Variants in ANKRD30B observed in about 807,000 individuals in gnomAD.
ANKRD30B encodes the protein ankyrin repeat domain-containing protein 30B.
Under a neutral mutation model 202.2 loss-of-function variants are expected in ANKRD30B, and 144 were observed. The ratio of observed to expected loss-of-function variants is 0.71; its 90% CI spans 0.62 to 0.82. The LOEUF (loss-of-function observed/expected upper bound fraction) is 0.82. Among genes scored for constraint, ANKRD30B ranks in the 40% least tolerant of loss-of-function variants. The pLI, the probability that ANKRD30B is intolerant of heterozygous loss-of-function variation, is 0.00. For missense variants in ANKRD30B, 1,487 were observed against 1,669.1 expected, an observed-to-expected ratio of 0.89 and a Z score of 1.90; for synonymous variants, 508 against 561.3, an observed-to-expected ratio of 0.91 and a Z score of 1.34.
At chr18:14,805,229 T>G (rs1015674414) in intron 24 of ANKRD30B, among the ~76,000 whole-genome samples, 5 of 151,018 alleles carry the variant, frequency 3.3e-5, no homozygotes, top group African/African-American at 1.2e-4. Flanking sequence ...ACCAGACTAA[T>G]TTTAAAAACC....
chr18:14,847,667 A>C (rs905204821), intron 39 of ANKRD30B, among the ~76,000 whole-genome samples: 9 of 151,214 alleles, frequency 6.0e-5, no homozygotes, highest in Non-Finnish European at 8.8e-5. Flanking sequence ...AATAGAGTTG[A>C]GTTACTTATA....
At chr18:14,934,840 T>C in the ANKRD30B span, among the ~76,000 whole-genome samples, 1 of 151,836 alleles carries the variant, frequency 6.6e-6, no homozygotes, top group African/African-American at 2.4e-5. Flanking sequence ...AGTGCAGGCA[T>C]GCGGCTGCAG....
chr18:14,867,499 G>A, the ANKRD30B span, among the ~76,000 whole-genome samples: 3 of 152,024 alleles, frequency 2.0e-5, no homozygotes, highest in South Asian at 2.1e-4. Context: ...GAGTTTTCAC[G>A]GCAATCCTCT....
chr18:14,934,952 CA>C, the ANKRD30B span, among the ~76,000 whole-genome samples: 1 of 146,362 alleles, frequency 6.8e-6, no homozygotes, highest in Non-Finnish European at 1.5e-5. Context: ...ACACACACCC[CA>C]TCGTGTCTGC....
the ANKRD30B span, among the ~76,000 whole-genome samples, chr18:14,889,674 AATACTG>A: frequency 6.7e-6 from 1 of 149,886 alleles, no homozygotes; most frequent in East Asian, 1.9e-4. Flanking sequence ...AAAGAGCTTT[AATACTG>A]GCAAATGGAA....
intron 26 of ANKRD30B, 79 bp downstream of exon 26, chr18:14,808,823 A>G (rs1452216217): frequency 7.6e-7 from 1 of 1,316,526 alleles, no homozygotes; most frequent in Non-Finnish European, 1.0e-6. Context: ...TTTATTCCCA[A>G]TGTTGTTTTC....
intron 22 of ANKRD30B, 48 bp downstream of exon 22, chr18:14,799,343 T>G (rs1225485039): frequency 6.9e-7 from 1 of 1,439,540 alleles, no homozygotes; most frequent in Admixed American, 2.6e-5. Context: ...AATATTAAAC[T>G]ATTTGAAATG....
chr18:14,869,792 A>G, the ANKRD30B span, among the ~76,000 whole-genome samples: 1 of 152,048 alleles, frequency 6.6e-6, no homozygotes, highest in African/African-American at 2.4e-5. Flanking sequence ...AACATTCTTT[A>G]GTATGAACTA....
chr18:14,908,501 CGAG>C, the ANKRD30B span, among the ~76,000 whole-genome samples: 2 of 152,146 alleles, frequency 1.3e-5, no homozygotes, highest in Non-Finnish European at 2.9e-5. Flanking sequence ...CCTCAGCATC[CGAG>C]GAGATGTGAT....
chr18:14,772,109 T>G (rs2143801124), intron 8 of ANKRD30B, 47 bp from the exon 9 acceptor site: 1 of 1,254,932 alleles, frequency 8.0e-7, no homozygotes, highest in Non-Finnish European at 1.1e-6. Context: ...ATTTTCTTTT[T>G]AAATATATGA....
At chr18:14,833,540 G>A (rs937640575) in intron 34 of ANKRD30B, among the ~76,000 whole-genome samples, 35 of 152,198 alleles carry the variant, frequency 2.3e-4, no homozygotes, top group Admixed American at 1.8e-3. Flanking sequence ...ACTTTCTTCA[G>A]GTGAAAAGTT....
intron 30 of ANKRD30B, among the ~76,000 whole-genome samples, chr18:14,821,149 G>T (rs1035241070): frequency 6.6e-6 from 1 of 152,120 alleles, no homozygotes; most frequent in African/African-American, 2.4e-5. Context: ...GTTTATTTGC[G>T]TAGAGGTGTT....
At chr18:14,833,080 G>T (rs1971022745) in intron 34 of ANKRD30B, among the ~76,000 whole-genome samples, 1 of 152,098 alleles carries the variant, frequency 6.6e-6, no homozygotes, top group East Asian at 1.9e-4. Context: ...GGGACAGCAG[G>T]TTCATGCCAC....
Position 14,748,267 on chromosome 18 carries a change from G to C in ANKRD30B, c.-153G>C, listed in dbSNP as rs1350168310. 1.7e-6 allele frequency: 1 copy of C among 581,736 alleles called. No homozygotes were observed. Among genetic ancestry groups the C allele is most frequent in the Non-Finnish European group, 2.9e-6 (1 of 339,574 alleles). The allele number at this position is 581,736 out of a possible 1,614,324, so 36.0% of individuals were successfully genotyped here. A position where few individuals can be genotyped will look rare whatever the true frequency, so the allele number is the denominator to read the frequency against. On this transcript the variant is annotated 5_prime_UTR_variant, in exon 1 of 44. Coordinates refer to ENST00000690538, the MANE Select transcript of ANKRD30B (RefSeq NM_001367607.2). ...AGAGCTTGGCGATACAGAAATTTCT[G>C]CTGGTGTTGGGGCGGGTGCGGGAAC...
the ANKRD30B span, among the ~76,000 whole-genome samples, chr18:14,934,908 CCACACA>C: frequency 0.015 from 1,988 of 134,650 alleles, 34 homozygotes; most frequent in African/African-American, 0.037. Context: ...CCTCCCTCTA[CCACACA>C]CACACACACA....
chr18:14,781,048 C>T (rs1212799842), intron 11 of ANKRD30B, among the ~76,000 whole-genome samples: 2 of 149,872 alleles, frequency 1.3e-5, no homozygotes, highest in Non-Finnish European at 3.0e-5. Flanking sequence ...ACAGTGGTAA[C>T]AGAAATGAGA....
rs767592858 is a variant in ANKRD30B at position 14,804,961 on chromosome 18, G to A, written c.2284+1137G>A. 1.0e-4 allele frequency among the ~76,000 whole-genome samples: 15 copies of A among 150,654 alleles called. 1 individual carries two copies. The highest frequency in any genetic ancestry group is 1.9e-4 in the Non-Finnish European group (13 of 67,670). On this transcript the variant is annotated intron_variant, in intron 24 of 43. Transcript: ENST00000690538. The stretch of plus-strand genomic sequence containing the variant: ...ATTTAGAATATTTTTACTGCAGAAT[G>A]TTAGAGTGTGGGTGCTCCAGAGACT...
chr18:14,904,771 A>G, the ANKRD30B span, among the ~76,000 whole-genome samples: 2 of 152,226 alleles, frequency 1.3e-5, no homozygotes, highest in African/African-American at 4.8e-5. Flanking sequence ...AGCTTGGTTT[A>G]TACTTTTTAT....
At chr18:14,863,889 A>G in the ANKRD30B span, among the ~76,000 whole-genome samples, 287 of 150,706 alleles carry the variant, frequency 1.9e-3, no homozygotes, top group African/African-American at 6.7e-3. Context: ...CCATCAGCAT[A>G]TCAAAGATGT....
Sources: gnomAD v4.1 joint callset for allele counts (sites outside exome capture counted in the v4.1 genomes callset) on GRCh38, gnomAD v4.1.1 for gene constraint, MANE v1.5 for transcripts, NCBI Gene and HGNC (gene_info 2026-07-23, HGNC 2026-07-21) for gene names.